Variants in EYA2 observed in about 807,000 individuals in gnomAD.
EYA2 encodes the protein protein phosphatase EYA2.
A neutral mutation model predicts 69.2 loss-of-function variants in EYA2; 31 were observed. The ratio of observed to expected loss-of-function variants is 0.45; its 90% CI spans 0.34 to 0.60. The LOEUF (loss-of-function observed/expected upper bound fraction) is 0.60, where lower values mean the gene tolerates loss of function less well. EYA2 is among the 20% of genes least tolerant of loss of function. The pLI, the probability that EYA2 is intolerant of heterozygous loss-of-function variation, is 0.02. For synonymous variants in EYA2, 257 were observed against 279.4 expected, an observed-to-expected ratio of 0.92 and a Z score of 0.80; for missense variants, 622 against 701.2, an observed-to-expected ratio of 0.89 and a Z score of 1.28.
chr20:46,926,023 C>T (rs938787183), intron 1 of EYA2, among the ~76,000 whole-genome samples: 1 of 151,968 alleles, frequency 6.6e-6, no homozygotes, highest in Admixed American at 6.6e-5. Flanking sequence ...TGATAAAAAC[C>T]CCTGGAAAAA....
rs978997150 is a variant in EYA2 at position 47,188,180 on chromosome 20, C to T, written c.*47C>T. On this transcript the variant is annotated 3_prime_UTR_variant, in exon 16 of 16. Coordinates refer to ENST00000327619, the MANE Select transcript of EYA2 (RefSeq NM_005244.5). Reference sequence around the variant, plus strand: ...CTGCCATCTCACCCTCAGACCCCCTCGCCTTCCCCACCTCCCCACCGAGAA... The same window carrying T: ...CTGCCATCTCACCCTCAGACCCCCTTGCCTTCCCCACCTCCCCACCGAGAA... 3.3e-6 allele frequency: 5 copies of T among 1,520,374 alleles called. No homozygotes were observed. The highest frequency in any genetic ancestry group is 2.5e-5 in the East Asian group (1 of 40,812). 94.2% of individuals were successfully genotyped at this position (1,520,374 alleles called of 1,614,324 possible). A position where few individuals can be genotyped will look rare whatever the true frequency, so the allele number is the denominator to read the frequency against.
At chr20:46,995,642 G>A (rs186606523) in intron 2 of EYA2, among the ~76,000 whole-genome samples, 250 of 152,294 alleles carry the variant, frequency 1.6e-3, no homozygotes, top group Middle Eastern at 3.4e-3. Flanking sequence ...CATCTCGCTG[G>A]CACTACAAAT....
intron 5 of EYA2, among the ~76,000 whole-genome samples, chr20:47,064,158 T>C (rs1369941652): frequency 6.6e-6 from 1 of 152,206 alleles, no homozygotes; most frequent in East Asian, 1.9e-4. Flanking sequence ...GATTTCAACA[T>C]GTTGCCCAGG....
At chr20:47,009,204 T>TACACAC (rs1028749216) in intron 4 of EYA2, among the ~76,000 whole-genome samples, 1 of 151,962 alleles carries the variant, frequency 6.6e-6, no homozygotes, top group Non-Finnish European at 1.5e-5. Context: ...CACACACACA[T>TACACAC]ACACACACAC....
chr20:47,061,487 C>A (rs2030881895), intron 5 of EYA2, among the ~76,000 whole-genome samples: 1 of 152,032 alleles, frequency 6.6e-6, no homozygotes. Context: ...ACTATGATGG[C>A]ACCACTGCAC....
intron 5 of EYA2, among the ~76,000 whole-genome samples, chr20:47,036,767 C>A (rs1984740205): frequency 6.6e-6 from 1 of 152,174 alleles, no homozygotes; most frequent in South Asian, 2.1e-4. Flanking sequence ...ACCTATGTCA[C>A]CTGCATAACC....
At chr20:47,169,316 TC>T in intron 11 of EYA2, 119 bp downstream of exon 11, 3 of 951,342 alleles carry the variant, frequency 3.2e-6, no homozygotes, top group Non-Finnish European at 5.1e-6. Flanking sequence ...AGTGCCTGCC[TC>T]CAGCCAGAAC....
intron 1 of EYA2, among the ~76,000 whole-genome samples, chr20:46,982,028 C>T (rs1448186287): frequency 1.3e-5 from 2 of 152,070 alleles, no homozygotes; most frequent in Non-Finnish European, 2.9e-5. Flanking sequence ...AGTACTTTTA[C>T]CATTTCCAAG....
At chr20:46,994,452 G>C (rs1030520954) in intron 2 of EYA2, among the ~76,000 whole-genome samples, 4 of 152,130 alleles carry the variant, frequency 2.6e-5, no homozygotes, top group Non-Finnish European at 5.9e-5. Flanking sequence ...TAATCTCATT[G>C]TTTCCAAGGA....
intron 10 of EYA2, among the ~76,000 whole-genome samples, chr20:47,168,879 T>C (rs941863023): frequency 3.9e-5 from 6 of 152,196 alleles, no homozygotes; most frequent in Non-Finnish European, 8.8e-5. Flanking sequence ...AAACTCTCTC[T>C]GTTTGGAGAG....
intron 5 of EYA2, among the ~76,000 whole-genome samples, chr20:47,029,417 C>G (rs1984276722): frequency 6.6e-6 from 1 of 152,248 alleles, no homozygotes; most frequent in Non-Finnish European, 1.5e-5. Context: ...ATTTTCAGGG[C>G]AGAAGACAGG....
chr20:47,155,844 A>G (rs2033911502), intron 10 of EYA2, among the ~76,000 whole-genome samples: 1 of 151,090 alleles, frequency 6.6e-6, no homozygotes, highest in Non-Finnish European at 1.5e-5. Flanking sequence ...TGAACTAGGA[A>G]GTGGAGAACA....
chr20:46,989,858 G>A (rs1422185185), intron 1 of EYA2, 143 bp from the exon 2 acceptor site: 7 of 473,730 alleles, frequency 1.5e-5, no homozygotes, highest in East Asian at 9.1e-5. Flanking sequence ...AAAGTTGAGT[G>A]AATTTTTATC....
At chr20:46,950,224 T>A (rs1247855303) in intron 1 of EYA2, among the ~76,000 whole-genome samples, 3 of 151,980 alleles carry the variant, frequency 2.0e-5, no homozygotes, top group Non-Finnish European at 2.9e-5. Context: ...TTTCCTAGAG[T>A]CTGGGAGAAC....
At chr20:46,938,348 G>C (rs1986009525) in intron 1 of EYA2, among the ~76,000 whole-genome samples, 1 of 152,160 alleles carries the variant, frequency 6.6e-6, no homozygotes, top group Admixed American at 6.5e-5. Context: ...TTCAGCATGT[G>C]CAGTAGTATC....
At chr20:47,073,494 T>TGG (rs71183228) in intron 6 of EYA2, among the ~76,000 whole-genome samples, 425 of 121,556 alleles carry the variant, frequency 3.5e-3, no homozygotes, top group African/African-American at 0.011. Flanking sequence ...GTGTGTGTCG[T>TGG]GGGGGGGGGG....
intron 1 of EYA2, among the ~76,000 whole-genome samples, chr20:46,907,494 C>T (rs997501574): frequency 1.3e-5 from 2 of 152,164 alleles, no homozygotes; most frequent in African/African-American, 2.4e-5. Context: ...TCTTTCAAGA[C>T]GAGTGAGGGA....
At chr20:47,122,145 C>A (rs909416305) in intron 9 of EYA2, among the ~76,000 whole-genome samples, 9 of 152,176 alleles carry the variant, frequency 5.9e-5, no homozygotes, top group Non-Finnish European at 1.2e-4. Context: ...GCCCAGAAAC[C>A]ACCCCCTATA....
intron 10 of EYA2, among the ~76,000 whole-genome samples, chr20:47,159,196 A>G (rs1258700315): frequency 6.6e-6 from 1 of 151,986 alleles, no homozygotes; most frequent in Non-Finnish European, 1.5e-5. Context: ...ACCCTGATGA[A>G]GACCACCTGA....
Sources: gnomAD v4.1 joint callset for allele counts (sites outside exome capture counted in the v4.1 genomes callset) on GRCh38, gnomAD v4.1.1 for gene constraint, MANE v1.5 for transcripts, NCBI Gene and HGNC (gene_info 2026-07-23, HGNC 2026-07-21) for gene names.